The following PTPRG variants were observed in gnomAD, a reference collection of about 807,000 sequenced individuals.
PTPRG encodes the protein receptor-type tyrosine-protein phosphatase gamma.
A neutral mutation model predicts 165.3 loss-of-function variants in PTPRG; 102 were observed. That is an observed-to-expected ratio of 0.62 (90% confidence interval 0.53 to 0.73). The LOEUF (loss-of-function observed/expected upper bound fraction) is 0.73, where lower values mean the gene tolerates loss of function less well. Among genes scored for constraint, PTPRG ranks in the 30% least tolerant of loss-of-function variants. The pLI, the probability that PTPRG is intolerant of heterozygous loss-of-function variation, is 0.00. For missense variants in PTPRG, 1,866 were observed against 1,861.4 expected (o/e 1.00, Z -0.05); for synonymous variants, 675 against 669.5 (o/e 1.01, Z -0.13).
At chr3:61,598,596 T>C (rs902801745) in intron 1 of PTPRG, among the ~76,000 whole-genome samples, 10 of 152,136 alleles carry the variant, frequency 6.6e-5, no homozygotes, top group Admixed American at 2.0e-4. Context: ...TGTGATGCCA[T>C]TGAGTGGGGC....
intron 2 of PTPRG, among the ~76,000 whole-genome samples, chr3:61,931,444 CTT>C (rs969357592): frequency 2.6e-5 from 4 of 152,160 alleles, no homozygotes; most frequent in African/African-American, 9.7e-5. Flanking sequence ...TGTCCACAGT[CTT>C]TTTTGATTCT....
chr3:61,815,473 CT>C (rs1452381014), intron 2 of PTPRG, among the ~76,000 whole-genome samples: 1 of 152,062 alleles, frequency 6.6e-6, no homozygotes, highest in Non-Finnish European at 1.5e-5. Flanking sequence ...GGCTTTAACC[CT>C]GTTTCCAATG....
chr3:61,974,611 G>A (rs2040461165), intron 2 of PTPRG, among the ~76,000 whole-genome samples: 1 of 152,084 alleles, frequency 6.6e-6, no homozygotes, highest in South Asian at 2.1e-4. Flanking sequence ...TTTCGTGACT[G>A]ACTGTCTTTA....
chr3:61,930,021 G>A (rs2039319277), intron 2 of PTPRG, among the ~76,000 whole-genome samples: 1 of 150,278 alleles, frequency 6.7e-6, no homozygotes, highest in Non-Finnish European at 1.5e-5. Context: ...CTTAATGGTA[G>A]AATAACAGAT....
At chr3:61,634,555 T>G (rs1295140474) in intron 1 of PTPRG, among the ~76,000 whole-genome samples, 1 of 152,040 alleles carries the variant, frequency 6.6e-6, no homozygotes, top group African/African-American at 2.4e-5. Context: ...GTGTGTTTTT[T>G]TTTTAAACCA....
chr3:61,723,913 C>T (rs746415260), intron 1 of PTPRG, among the ~76,000 whole-genome samples: 3 of 152,168 alleles, frequency 2.0e-5, no homozygotes, highest in Non-Finnish European at 4.4e-5. Flanking sequence ...ACTAATCTGT[C>T]TTACATCTCT....
chr3:61,685,827 C>A (rs983197678), intron 1 of PTPRG, among the ~76,000 whole-genome samples: 1 of 152,172 alleles, frequency 6.6e-6, no homozygotes, highest in Admixed American at 6.5e-5. Flanking sequence ...TTAGTCTCTG[C>A]CCCTAGAGTG....
chr3:61,748,443 G>A (rs762732556), intron 1 of PTPRG, among the ~76,000 whole-genome samples: 1 of 152,160 alleles, frequency 6.6e-6, no homozygotes, highest in Non-Finnish European at 1.5e-5. Flanking sequence ...TTACACACAG[G>A]TTGTAAACTT....
chr3:62,286,342 C>T (rs779876930), intron 28 of PTPRG, among the ~76,000 whole-genome samples: 58 of 151,796 alleles, frequency 3.8e-4, no homozygotes, highest in Non-Finnish European at 7.8e-4. Flanking sequence ...TTTTGTTTTC[C>T]TTTCTGCCCT....
intron 2 of PTPRG, among the ~76,000 whole-genome samples, chr3:61,919,666 G>C (rs1341902478): frequency 6.6e-6 from 1 of 152,106 alleles, no homozygotes; most frequent in Non-Finnish European, 1.5e-5. Flanking sequence ...ATCTCGTCAT[G>C]GGGAGGGTTT....
intron 16 of PTPRG, among the ~76,000 whole-genome samples, chr3:62,258,595 T>A (rs1474994646): frequency 6.6e-6 from 1 of 152,220 alleles, no homozygotes; most frequent in African/African-American, 2.4e-5. Context: ...GTTTCAGAAC[T>A]TTACTGCTTG....
chr3:61,999,816 G>A (rs1247939933), intron 3 of PTPRG, among the ~76,000 whole-genome samples: 1 of 152,078 alleles, frequency 6.6e-6, no homozygotes, highest in Admixed American at 6.6e-5. Flanking sequence ...AAATTTTAGG[G>A]TTATGCTTAT....
chr3:62,266,452 T>C (rs963625194), intron 17 of PTPRG, among the ~76,000 whole-genome samples: 1 of 152,188 alleles, frequency 6.6e-6, no homozygotes, highest in African/African-American at 2.4e-5. Flanking sequence ...TAATGACTAC[T>C]AAGGCATAAC....
chr3:61,983,457 A>G (rs369065505), intron 2 of PTPRG, among the ~76,000 whole-genome samples: 1 of 152,272 alleles, frequency 6.6e-6, no homozygotes, highest in South Asian at 2.1e-4. Context: ...ATTAATAAGC[A>G]TATTTGACTA....
intron 1 of PTPRG, among the ~76,000 whole-genome samples, chr3:61,669,008 A>G (rs1016570572): frequency 1.3e-5 from 2 of 152,214 alleles, no homozygotes; most frequent in Non-Finnish European, 2.9e-5. Context: ...TTTAGATAAT[A>G]TAGAAATGCT....
At chr3:62,065,612 G>A (rs561602843) in intron 4 of PTPRG, among the ~76,000 whole-genome samples, 161 of 152,256 alleles carry the variant, frequency 1.1e-3, no homozygotes, top group African/African-American at 3.6e-3. Context: ...AATCCCGGTG[G>A]AGCAATGCAA....
chr3:62,287,427 G>A (rs1702706857), intron 28 of PTPRG, among the ~76,000 whole-genome samples: 1 of 152,024 alleles, frequency 6.6e-6, no homozygotes, highest in South Asian at 2.1e-4. Context: ...AGATCTAAAG[G>A]AAGATTTTAT....
At chr3:61,973,828 A>G (rs1307615916) in intron 2 of PTPRG, among the ~76,000 whole-genome samples, 1 of 137,248 alleles carries the variant, frequency 7.3e-6, no homozygotes, top group Non-Finnish European at 1.6e-5. Flanking sequence ...GCGAGACTCC[A>G]TTTCAAAATA....
chr3:61,739,735 T>G (rs2032906040), intron 1 of PTPRG, among the ~76,000 whole-genome samples: 1 of 152,200 alleles, frequency 6.6e-6, no homozygotes, highest in Non-Finnish European at 1.5e-5. Context: ...AGTAAATAAC[T>G]TATGATTGGG....
Sources: allele counts gnomAD v4.1 joint callset (sites outside exome capture counted in the v4.1 genomes callset), GRCh38; gene constraint gnomAD v4.1.1; transcripts MANE v1.5; gene names NCBI Gene and HGNC (gene_info 2026-07-23, HGNC 2026-07-21).